KIF1A: variants seen among roughly 807,000 people sequenced by gnomAD.
KIF1A encodes kinesin family member 1A.
In KIF1A, 46 loss-of-function variants were observed where a neutral mutation model predicts 227.3. The ratio of observed to expected loss-of-function variants is 0.20; its 90% CI spans 0.16 to 0.26. The LOEUF is 0.26. Among genes scored for constraint, KIF1A ranks in the 10% least tolerant of loss-of-function variants. KIF1A has a pLI of 1.00. For missense variants in KIF1A, 1,683 were observed against 2,485.9 expected, an observed-to-expected ratio of 0.68 and a Z score of 6.87; for synonymous variants, 1,022 against 1,012.8, an observed-to-expected ratio of 1.01 and a Z score of -0.17.
rs1193974656 is a variant in KIF1A at position 240,780,818 on chromosome 2, ACACACACAGCTC to A, written c.882+1760_882+1771del. On this transcript the variant is annotated intron_variant, in intron 10 of 48. Coordinates refer to ENST00000498729, the MANE Select transcript of KIF1A (RefSeq NM_001244008.2). ...CAGCTCCACACACACACACACACACACACACACAGCTCCACACACACACACAGCTCCACACAC... is the reference window on the plus strand; with the variant it reads ...CAGCTCCACACACACACACACACACACACACACACACACAGCTCCACACAC... 2.7e-4 allele frequency among the ~76,000 whole-genome samples: 30 copies of A among 109,738 alleles called. 1 individual carries two copies. Among genetic ancestry groups the A allele is most frequent in the African/African-American group, 1.5e-3 (27 of 17,680 alleles). The allele number at this position is 109,738 out of a possible 152,430, so 72.0% of individuals were successfully genotyped here. A position where few individuals can be genotyped will look rare whatever the true frequency, so the allele number is the denominator to read the frequency against.
chr2:240,753,368 A>G (rs2049447946), intron 27 of KIF1A, among the ~76,000 whole-genome samples: 1 of 152,166 alleles, frequency 6.6e-6, no homozygotes, highest in Admixed American at 6.5e-5. Flanking sequence ...CTCTCTCCAC[A>G]AGGGCTCCCT....
intron 38 of KIF1A, among the ~76,000 whole-genome samples, chr2:240,734,954 G>A (rs918746156): frequency 6.6e-6 from 1 of 152,166 alleles, no homozygotes; most frequent in African/African-American, 2.4e-5. Flanking sequence ...CAGAAGCCGG[G>A]GATCCTGAGC....
chr2:240,794,521 A>T (rs1340990393), intron 2 of KIF1A, among the ~76,000 whole-genome samples: 1 of 152,140 alleles, frequency 6.6e-6, no homozygotes, highest in East Asian at 1.9e-4. Context: ...ACAGCTGTAA[A>T]CACAAACTTT....
intron 37 of KIF1A, 149 bp from the exon 38 acceptor site, chr2:240,737,317 G>A: frequency 1.6e-6 from 1 of 632,620 alleles, no homozygotes; most frequent in Non-Finnish European, 2.9e-6. Flanking sequence ...GGAACAGGGA[G>A]GCCCTACAGG....
chr2:240,760,310 G>A (rs1459103500), intron 25 of KIF1A, among the ~76,000 whole-genome samples: 2 of 152,180 alleles, frequency 1.3e-5, no homozygotes, highest in Non-Finnish European at 1.5e-5. Context: ...TGCTGTACCC[G>A]CTCTTGGCGC....
Position 240,740,570 on chromosome 2 carries a change from C to T in KIF1A, c.3750-206G>A, listed in dbSNP as rs913018971. ...TTGGCTATCACCTCCCAGCCCTGCC[C>T]ACTGGACTGGCAGGGTGTCCAACAA... On this transcript the variant is annotated intron_variant, in intron 35 of 48. Coordinates refer to ENST00000498729, the MANE Select transcript of KIF1A (RefSeq NM_001244008.2). This position sits in a 1 kb window ranked among gnomAD's most constrained non-coding sequence, Gnocchi z 6.1. Among the ~76,000 whole-genome samples, 1 of 152,098 alleles carries T rather than the reference C, an allele frequency of 6.6e-6. No homozygotes were observed. Among genetic ancestry groups the T allele is most frequent in the Non-Finnish European group, 1.5e-5 (1 of 68,004 alleles).
intron 1 of KIF1A, among the ~76,000 whole-genome samples, chr2:240,803,676 G>A (rs999859746): frequency 2.0e-5 from 3 of 151,986 alleles, no homozygotes; most frequent in South Asian, 4.1e-4. Context: ...CTACATAACC[G>A]CTAAAACAGG....
Position 240,778,953 on chromosome 2 carries a change from C to A in KIF1A, c.883-3027G>T, listed in dbSNP as rs924808626. On this transcript the variant is annotated intron_variant, in intron 10 of 48. Coordinates refer to ENST00000498729, the MANE Select transcript of KIF1A (RefSeq NM_001244008.2). The surrounding 1 kb of genome is among the most constrained non-coding windows in gnomAD (Gnocchi z 7.2). Reference sequence around the variant, plus strand: ...CCCGTGTGCACCCCGTTCCTACACACAGCGCTCCACACGGCTCCTCACGGG... The same window carrying A: ...CCCGTGTGCACCCCGTTCCTACACAAAGCGCTCCACACGGCTCCTCACGGG... 2.6e-5 allele frequency among the ~76,000 whole-genome samples: 4 copies of A among 152,188 alleles called. No homozygotes were observed. Among genetic ancestry groups the A allele is most frequent in the Non-Finnish European group, 5.9e-5 (4 of 68,030 alleles).
At position 240,767,286 on chromosome 2, in the gene KIF1A, G is replaced by A; in HGVS notation, c.1557C>T (p.Tyr519=). 6.2e-7 allele frequency: 1 copy of A among 1,613,510 alleles called. No homozygotes were observed. The highest frequency in any genetic ancestry group is 1.1e-5 in the South Asian group (1 of 91,040). ...CTCACCTGGTGATCCCATCCTTGAT[G>A]TAGTAGAGCAGGCACTCAGACATCA... ...DPLMSECLLY[Y]IKDGITRVGR... is the part of the protein sequence containing the mutation. The change falls in exon 18 of 49, where the codon TAC becomes TAT. Residue 519 remains tyrosine (Y), a synonymous_variant. Transcript: ENST00000498729.
In KIF1A at chr2:240,785,130, C is replaced by T. The variant is rs775606462; in HGVS notation, c.609-30G>A. On this transcript the variant is annotated intron_variant, in intron 6 of 48. Transcript: ENST00000498729. The stretch of plus-strand genomic sequence containing the variant: ...GGAGCAGAAAGCCACGCACGGTTAC[C>T]CCTCGTCCTGTGGCCGGGTGCGAGA... 6.4e-6 allele frequency: 10 copies of T among 1,570,256 alleles called. No homozygotes were observed. In the South Asian group the frequency reaches 1.1e-4, roughly 17 times the overall value.
Position 240,739,931 on chromosome 2 carries a change from G to C in KIF1A, c.3901+127C>G. The C allele has an allele frequency of 1.4e-6, 1 of 697,028 alleles. No individual in the cohort carries two copies. The highest frequency in any genetic ancestry group is 2.5e-6 in the Non-Finnish European group (1 of 397,874). 43.2% of individuals were successfully genotyped at this position (697,028 alleles called of 1,614,324 possible). The stretch of plus-strand genomic sequence containing the variant: ...GAAGTGAGTCACAGAGAGATTATGT[G>C]ACCCGGCCAGGGTCACGCAGCAACA... On this transcript the variant is annotated intron_variant, in intron 37 of 48. Transcript: ENST00000498729. This position sits in a 1 kb window ranked among gnomAD's most constrained non-coding sequence, Gnocchi z 5.6.
chr2:240,759,364 C>G (rs1265333538), intron 25 of KIF1A, among the ~76,000 whole-genome samples: 2 of 152,094 alleles, frequency 1.3e-5, no homozygotes, highest in East Asian at 1.9e-4. Context: ...AGTCTGTACC[C>G]CAGCCACCTC....
chr2:240,747,293 A>G lies in KIF1A; in HGVS notation c.3006T>C (p.Ser1002=). The G allele has an allele frequency of 6.2e-7, 1 of 1,613,524 alleles. No homozygotes were observed. Among genetic ancestry groups the G allele is most frequent in the Non-Finnish European group, 8.5e-7 (1 of 1,179,668 alleles). The change falls in exon 29 of 49, where the codon TCT becomes TCC. Residue 1002 remains serine (S), a synonymous_variant. Coordinates refer to ENST00000498729, the MANE Select transcript of KIF1A (RefSeq NM_001244008.2). ...SADEEAPDYG[S]GVRQSGTAKI... ...TAGCAGTTCCCGACTGGCGGACGCC[A>G]GAGCCATAATCAGGGGCCTCTTCAT...
chr2:240,787,941 C>T, intron 4 of KIF1A, 110 bp downstream of exon 4: 1 of 1,071,170 alleles, frequency 9.3e-7, no homozygotes, highest in Non-Finnish European at 1.3e-6. Context: ...CCCCTCCTGA[C>T]TCCCTGCTCT....
Position 240,757,791 on chromosome 2 carries a change from A to T in KIF1A, c.2583-197T>A, listed in dbSNP as rs888349929. Among the ~76,000 whole-genome samples the T allele has an allele frequency of 6.6e-6, 1 of 152,124 alleles. No homozygotes were observed. Among genetic ancestry groups the T allele is most frequent in the East Asian group, 1.9e-4 (1 of 5,168 alleles). On this transcript the variant is annotated intron_variant, in intron 26 of 48. Coordinates refer to ENST00000498729, the MANE Select transcript of KIF1A (RefSeq NM_001244008.2). This position sits in a 1 kb window ranked among gnomAD's most constrained non-coding sequence, Gnocchi z 6.2. The stretch of plus-strand genomic sequence containing the variant: ...GAAAGAAATCACATGTATGGCCAGC[A>T]GGAAGGTTCCGGAAGGTTCCGGAGG...
In KIF1A at chr2:240,720,973, G is replaced by A. The variant is rs75666979; in HGVS notation, c.4809C>T (p.Leu1603=). The part of the protein sequence containing the change: ...PSMSPLGVAT[L]TPSSTCPSLV... ...GAGAGGGGCAAGTGGAGGAGGGGGTGAGAGTGGCCACCCCTAGAGGGGACA... is the reference window on the plus strand; with the variant it reads ...GAGAGGGGCAAGTGGAGGAGGGGGTAAGAGTGGCCACCCCTAGAGGGGACA... Residue 1603 remains leucine (L), a synonymous_variant, in exon 45 of 49, where the codon CTC becomes CTT. Coordinates refer to ENST00000498729, the MANE Select transcript of KIF1A (RefSeq NM_001244008.2). The A allele has an allele frequency of 2.5e-6, 4 of 1,606,532 alleles. No individual in the cohort carries two copies. Among genetic ancestry groups the A allele is most frequent in the Non-Finnish European group, 2.5e-6 (3 of 1,177,104 alleles).
At chr2:240,800,819 C>G (rs1022781407) in intron 1 of KIF1A, among the ~76,000 whole-genome samples, 1 of 152,172 alleles carries the variant, frequency 6.6e-6, no homozygotes, top group Non-Finnish European at 1.5e-5. Context: ...AGGAGAATAC[C>G]CAGTGATCAC....
intron 2 of KIF1A, among the ~76,000 whole-genome samples, chr2:240,796,185 G>A (rs1302969202): frequency 1.3e-5 from 2 of 152,142 alleles, no homozygotes; most frequent in East Asian, 1.9e-4. Context: ...GCCATGGTTC[G>A]CACCTGAGGT....
intron 16 of KIF1A, 120 bp from the exon 17 acceptor site, chr2:240,769,328 C>T (rs1005705882): frequency 4.5e-5 from 36 of 803,142 alleles, no homozygotes; most frequent in Non-Finnish European, 1.2e-5. Context: ...GGTGCCCATG[C>T]GTGTCCCATC....
Sources: gnomAD v4.1 joint callset for allele counts (sites outside exome capture counted in the v4.1 genomes callset) on GRCh38, gnomAD v4.1.1 for gene constraint, Gnocchi (gnomAD v3.1) non-coding constraint, MANE v1.5 for transcripts, NCBI Gene and HGNC (gene_info 2026-07-23, HGNC 2026-07-21) for gene names.